The following ZNF638 variants were observed in gnomAD, a reference collection of about 807,000 sequenced individuals.
ZNF638 encodes zinc finger protein 638.
In ZNF638, 46 loss-of-function variants were observed where a neutral mutation model predicts 195.6. The observed-to-expected ratio is 0.24, with a 90% confidence interval of 0.19 to 0.30. The LOEUF is 0.30. Among genes scored for constraint, ZNF638 ranks in the 10% least tolerant of loss-of-function variants. ZNF638 has a pLI of 1.00. For synonymous variants in ZNF638, 845 were observed against 772.0 expected (o/e 1.09, Z -1.57); for missense variants, 2,440 against 2,325.3 (o/e 1.05, Z -1.01).
intron 2 of ZNF638, among the ~76,000 whole-genome samples, chr2:71,354,735 C>A (rs1481446586): frequency 5.8e-5 from 8 of 138,648 alleles, no homozygotes; most frequent in South Asian, 2.2e-4. Context: ...GAAACTGTCT[C>A]AAAAAAAAAA....
chr2:71,367,990 G>C (rs578142793), intron 6 of ZNF638, among the ~76,000 whole-genome samples: 4 of 152,240 alleles, frequency 2.6e-5, no homozygotes, highest in South Asian at 4.1e-4. Context: ...TAGAACAGAG[G>C]GGGTAAGCAA....
chr2:71,421,903 T>C (rs1243780351), intron 21 of ZNF638, among the ~76,000 whole-genome samples: 3 of 152,198 alleles, frequency 2.0e-5, no homozygotes, highest in Non-Finnish European at 2.9e-5. Flanking sequence ...AAATAACTTA[T>C]TCTGTGTCTA....
chr2:71,331,842 G>A lies in ZNF638; in HGVS notation c.-236G>A, dbSNP rs957539373. ...CTGAGTGCTAAACTGTGTGGGGCGC[G>A]GATGGGATCCAGCTGTTAGTCGGGT... On this transcript the variant is annotated 5_prime_UTR_variant, in exon 1 of 28. Transcript: ENST00000264447. The A allele has an allele frequency of 3.0e-6, 3 of 986,130 alleles. No homozygotes were observed. The highest frequency in any genetic ancestry group is 3.6e-6 in the Non-Finnish European group (3 of 830,222). 61.1% of individuals were successfully genotyped at this position (986,130 alleles called of 1,614,324 possible).
Position 71,423,572 on chromosome 2 carries a change from C to T in ZNF638, c.4058C>T (p.Pro1353Leu). Residue 1353 changes from proline to leucine, a missense_variant, in exon 22 of 28, where the codon CCT becomes CTT. Pro to Leu is a moderately conservative substitution (Grantham distance 98). Transcript: ENST00000264447. ...VEKMAAMKEK[P>L]AENTLFKAYP... ...AAGATGGCAGCAATGAAAGAAAAGC[C>T]TGCAGAAAACACTTTATTCAAGGCA... The T allele has an allele frequency of 6.2e-7, 1 of 1,613,952 alleles. No individual in the cohort carries two copies. Among genetic ancestry groups the T allele is most frequent in the Non-Finnish European group, 8.5e-7 (1 of 1,179,980 alleles).
chr2:71,386,922 A>G (rs2079653193), intron 10 of ZNF638, among the ~76,000 whole-genome samples: 1 of 150,858 alleles, frequency 6.6e-6, no homozygotes, highest in Admixed American at 6.6e-5. Context: ...ATCTCAGTTC[A>G]TTGCAGTCTC....
intron 25 of ZNF638, 84 bp from the exon 26 acceptor site, chr2:71,431,243 G>T: frequency 8.1e-7 from 1 of 1,235,638 alleles, no homozygotes; most frequent in South Asian, 1.4e-5. Flanking sequence ...CCCTGAGAAA[G>T]AAAAAGGTAA....
chr2:71,377,118 A>T (rs954618541), intron 8 of ZNF638, among the ~76,000 whole-genome samples: 14 of 152,070 alleles, frequency 9.2e-5, no homozygotes, highest in Non-Finnish European at 1.5e-5. Flanking sequence ...TCAAAAAATT[A>T]AAAAATTGAC....
At chr2:71,419,958 T>TTTCACCC (rs1558881346) in intron 21 of ZNF638, among the ~76,000 whole-genome samples, 1 of 26,576 alleles carries the variant, frequency 3.8e-5, no homozygotes, top group African/African-American at 1.1e-4. Context: ...ACTTCTTAAT[T>TTTCACCC]CCCACCCCCC....
intron 17 of ZNF638, among the ~76,000 whole-genome samples, chr2:71,404,818 C>T (rs1295874312): frequency 6.6e-6 from 1 of 152,146 alleles, no homozygotes; most frequent in African/African-American, 2.4e-5. Flanking sequence ...TTTGAGTTCT[C>T]AGCTTTTATC....
chr2:71,399,765 A>G (rs967862775), intron 13 of ZNF638, 120 bp downstream of exon 13: 3 of 772,552 alleles, frequency 3.9e-6, no homozygotes, highest in Non-Finnish European at 6.3e-6. Context: ...GGTTTGTTGT[A>G]CAGGTTATTT....
intron 17 of ZNF638, among the ~76,000 whole-genome samples, 164 bp from the exon 18 acceptor site, chr2:71,405,437 G>T (rs2080087427): frequency 6.6e-6 from 1 of 152,162 alleles, no homozygotes; most frequent in Non-Finnish European, 1.5e-5. Flanking sequence ...TTGTTTAGGA[G>T]AGAAAGATTT....
At position 71,423,345 on chromosome 2, in the gene ZNF638, A is replaced by G; in HGVS notation, c.3831A>G (p.Ser1277=). The G allele has an allele frequency of 5.6e-6, 9 of 1,613,968 alleles. No homozygotes were observed. Among genetic ancestry groups the G allele is most frequent in the Non-Finnish European group, 7.6e-6 (9 of 1,180,002 alleles). ...AAACTGTTTCGGAAATATTGCCATC[A>G]ACTTGTATTGTGACGTTAGTACCAG... ...KNETVSEILP[S]TCIVTLVPGI... Residue 1277 remains serine, a synonymous_variant, in exon 22 of 28, where the codon TCA becomes TCG. Transcript: ENST00000264447.
At chr2:71,397,236 A>G (rs12467344) in intron 11 of ZNF638, among the ~76,000 whole-genome samples, 137,368 of 152,214 alleles carry the variant, frequency 0.9, 62,061 homozygotes, top group East Asian at 0.99. Context: ...AATTAATGCC[A>G]GCTATTTTTT....
Position 71,350,081 on chromosome 2 carries a change from A to T in ZNF638, c.1127A>T (p.Gln376Leu), listed in dbSNP as rs776414327. 3 of 1,614,106 alleles carry T rather than the reference A, an allele frequency of 1.9e-6. No homozygotes were observed. The change falls in exon 2 of 28, where the codon CAG becomes CTG. Residue 376 changes from glutamine (Q) to leucine (L), a missense_variant. By Grantham distance (113) the Gln-to-Leu change is moderately radical (BLOSUM62 -2). Transcript: ENST00000264447. The part of the protein sequence containing the change: ...SRGSKKNYQS[Q>L]ADIPIRSPFG... ...GGAAGTAAAAAGAATTACCAGTCAC[A>T]GGCTGACATTCCCATTCGGTCTCCC...
At chr2:71,342,774 T>C (rs2078784075) in intron 1 of ZNF638, among the ~76,000 whole-genome samples, 1 of 152,164 alleles carries the variant, frequency 6.6e-6, no homozygotes, top group South Asian at 2.1e-4. Context: ...AGCTGACATA[T>C]GGCATAAGGG....
chr2:71,405,574 C>G, intron 17 of ZNF638, 27 bp from the exon 18 acceptor site: 4 of 1,450,786 alleles, frequency 2.8e-6, no homozygotes, highest in Non-Finnish European at 3.8e-6. Flanking sequence ...CTTATACCAT[C>G]AACCTTTATC....
chr2:71,396,223 T>C (rs1209849614), intron 11 of ZNF638, 32 bp downstream of exon 11: 1 of 1,566,538 alleles, frequency 6.4e-7, no homozygotes, highest in Non-Finnish European at 8.7e-7. Flanking sequence ...TCTAGACTAT[T>C]AGTTAAAACT....
At chr2:71,355,660 A>G in intron 2 of ZNF638, 59 bp from the exon 3 acceptor site, 1 of 1,118,002 alleles carries the variant, frequency 8.9e-7, no homozygotes, top group Admixed American at 2.3e-5. Context: ...TTAAAAGCCT[A>G]ATTCATTAGT....
At position 71,348,787 on chromosome 2, in the gene ZNF638, G is replaced by T. The variant is rs1303585194; in HGVS notation, c.-168G>T. 8 of 1,558,102 alleles carry T rather than the reference G, an allele frequency of 5.1e-6. No individual in the cohort carries two copies. Among genetic ancestry groups the T allele is most frequent in the Non-Finnish European group, 6.1e-6 (7 of 1,156,624 alleles). ...ATTCTTGGAAAATTTCGCACCACTTGTGAATTCCTTGAACCTGGGCATTGC... is the reference window on the plus strand; with the variant it reads ...ATTCTTGGAAAATTTCGCACCACTTTTGAATTCCTTGAACCTGGGCATTGC... On this transcript the variant is annotated 5_prime_UTR_variant, in exon 2 of 28. Transcript: ENST00000264447.
Sources: allele counts gnomAD v4.1 joint callset (sites outside exome capture counted in the v4.1 genomes callset), GRCh38; gene constraint gnomAD v4.1.1; transcripts MANE v1.5; gene names NCBI Gene and HGNC (gene_info 2026-07-23, HGNC 2026-07-21).